Variants in DNAH9 observed in about 807,000 individuals in gnomAD.
DNAH9 encodes DNAH9 variant protein.
Under a neutral mutation model 471.6 loss-of-function variants are expected in DNAH9, and 345 were observed. The observed-to-expected ratio is 0.73, with a 90% CI of 0.67 to 0.80. DNAH9 has a LOEUF of 0.80. Among genes scored for constraint, DNAH9 ranks in the 30% least tolerant of loss-of-function variants. DNAH9 has a pLI of 0.00. For missense variants in DNAH9, 5,407 were observed against 5,609.2 expected (o/e 0.96, Z 1.15); for synonymous variants, 2,093 against 2,123.6 (o/e 0.99, Z 0.40).
At chr17:11,736,500 C>T (rs1413799413) in intron 28 of DNAH9, among the ~76,000 whole-genome samples, 1 of 152,214 alleles carries the variant, frequency 6.6e-6, no homozygotes, top group Non-Finnish European at 1.5e-5. Context: ...TCCAAGCATC[C>T]TGAAAGACCC....
At chr17:11,766,151 C>T (rs947079349) in intron 36 of DNAH9, among the ~76,000 whole-genome samples, 4 of 151,966 alleles carry the variant, frequency 2.6e-5, no homozygotes, top group Non-Finnish European at 4.4e-5. Flanking sequence ...GCATTAAAAG[C>T]TAAACACCAA....
chr17:11,944,303 T>A (rs535167981), intron 67 of DNAH9, among the ~76,000 whole-genome samples: 1 of 152,168 alleles, frequency 6.6e-6, no homozygotes, highest in East Asian at 1.9e-4. Flanking sequence ...AGGGTGAAAT[T>A]AATTAAGAGC....
intron 26 of DNAH9, among the ~76,000 whole-genome samples, chr17:11,713,662 C>G (rs2074912039): frequency 6.6e-6 from 1 of 152,142 alleles, no homozygotes; most frequent in Non-Finnish European, 1.5e-5. Context: ...TTTAAGAAAT[C>G]TTTGCCTAAC....
At chr17:11,644,192 C>T (rs1287796817) in intron 10 of DNAH9, among the ~76,000 whole-genome samples, 1 of 152,196 alleles carries the variant, frequency 6.6e-6, no homozygotes. Context: ...TATGGGACCG[C>T]AGTCACATAC....
intron 67 of DNAH9, 150 bp downstream of exon 67, chr17:11,942,635 A>C: frequency 1.4e-6 from 1 of 720,976 alleles, no homozygotes; most frequent in South Asian, 2.3e-5. Flanking sequence ...CTCCCCAGAA[A>C]CCACAGCCTG....
intron 58 of DNAH9, among the ~76,000 whole-genome samples, chr17:11,893,888 T>G (rs986247086): frequency 2.0e-5 from 3 of 152,132 alleles, no homozygotes; most frequent in Non-Finnish European, 4.4e-5. Flanking sequence ...GAAAAGAAAA[T>G]AAACTACTTA....
At chr17:11,610,736 G>A (rs2072617011) in intron 3 of DNAH9, among the ~76,000 whole-genome samples, 182 bp downstream of exon 3, 1 of 152,186 alleles carries the variant, frequency 6.6e-6, no homozygotes, top group Admixed American at 6.5e-5. Context: ...ACTGGGAGAT[G>A]CACACTTTCC....
At chr17:11,822,727 G>A in intron 47 of DNAH9, 74 bp from the exon 48 acceptor site, 2 of 1,584,066 alleles carry the variant, frequency 1.3e-6, no homozygotes, top group Non-Finnish European at 1.7e-6. Context: ...AGGAATGGCT[G>A]GGGTGAGGGG....
chr17:11,786,328 C>T (rs1056319609), intron 41 of DNAH9, among the ~76,000 whole-genome samples: 2 of 151,818 alleles, frequency 1.3e-5, no homozygotes, highest in Admixed American at 6.6e-5. Flanking sequence ...TCAATGACAG[C>T]GCCAATGGTC....
chr17:11,894,512 T>G lies in DNAH9; in HGVS notation c.11406+16T>G. 6.2e-7 allele frequency: 1 copy of G among 1,605,282 alleles called. No homozygotes were observed. The highest frequency in any genetic ancestry group is 8.5e-7 in the Non-Finnish European group (1 of 1,173,968). On this transcript the variant is annotated intron_variant, in intron 59 of 68. Transcript: ENST00000262442. ...AGCTGTCAAGGTCAGTATTGACCCC[T>G]AGAAAAAAGCCAAGCTCTCATCTCT...
chr17:11,821,380 C>T (rs1212332083), intron 45 of DNAH9, among the ~76,000 whole-genome samples: 1 of 151,864 alleles, frequency 6.6e-6, no homozygotes, highest in East Asian at 1.9e-4. Flanking sequence ...TTAATCTTTT[C>T]CCGGTTGATT....
intron 45 of DNAH9, among the ~76,000 whole-genome samples, chr17:11,819,601 C>T (rs8074252): frequency 0.049 from 7,494 of 152,000 alleles, 617 homozygotes; most frequent in African/African-American, 0.17. Flanking sequence ...AAGCAGGTCT[C>T]GAACTCCTGA....
intron 59 of DNAH9, 38 bp downstream of exon 59, chr17:11,894,534 C>T: frequency 6.2e-7 from 1 of 1,601,014 alleles, no homozygotes; most frequent in African/African-American, 1.3e-5. Flanking sequence ...AAGCTCTCAT[C>T]TCTCAGAATT....
At chr17:11,676,275 C>CTTTTTTTTTTTTTTTTTTTTTTTTTTTT in intron 17 of DNAH9, among the ~76,000 whole-genome samples, 1 of 73,882 alleles carries the variant, frequency 1.4e-5, no homozygotes, top group Non-Finnish European at 2.6e-5. Context: ...CATTTCTGTT[C>CTTTTTTTTTTTTTTTTTTTTTTTTTTTT]TTTTTTTTTT....
chr17:11,614,254 T>C (rs2072696289), intron 4 of DNAH9, among the ~76,000 whole-genome samples: 1 of 152,140 alleles, frequency 6.6e-6, no homozygotes, highest in Admixed American at 6.6e-5. Flanking sequence ...ATTATTCTTA[T>C]TAGGCATGGT....
chr17:11,695,787 A>T (rs1174504370), intron 22 of DNAH9, among the ~76,000 whole-genome samples: 2 of 152,224 alleles, frequency 1.3e-5, no homozygotes, highest in East Asian at 3.9e-4. Context: ...TTTTCCCAAT[A>T]TGCTGCTGGT....
intron 41 of DNAH9, among the ~76,000 whole-genome samples, chr17:11,787,191 A>G (rs988188320): frequency 6.6e-6 from 1 of 152,242 alleles, no homozygotes; most frequent in Non-Finnish European, 1.5e-5. Flanking sequence ...AGATTTCTGG[A>G]CAGAAAAGTG....
At chr17:11,933,610 T>A (rs2151037517) in intron 64 of DNAH9, among the ~76,000 whole-genome samples, 1 of 152,106 alleles carries the variant, frequency 6.6e-6, no homozygotes, top group Non-Finnish European at 1.5e-5. Context: ...GAACTCCCAA[T>A]CTCAGGTGAT....
intron 30 of DNAH9, among the ~76,000 whole-genome samples, chr17:11,742,544 C>CT (rs1247922784): frequency 6.6e-6 from 1 of 152,128 alleles, no homozygotes; most frequent in African/African-American, 2.4e-5. Flanking sequence ...TAATAGAATA[C>CT]TTAGCAACAC....
Sources: allele counts gnomAD v4.1 joint callset (sites outside exome capture counted in the v4.1 genomes callset), GRCh38; gene constraint gnomAD v4.1.1; transcripts MANE v1.5; gene names NCBI Gene and HGNC (gene_info 2026-07-23, HGNC 2026-07-21).